The following LMBR1 variants were observed in gnomAD, a reference collection of about 807,000 sequenced individuals.
LMBR1 encodes the protein limb development membrane protein 1.
LMBR1 carries 52 observed loss-of-function variants against 73.9 expected under a neutral mutation model. The observed-to-expected ratio is 0.70, with a 90% CI of 0.56 to 0.89. The LOEUF (loss-of-function observed/expected upper bound fraction) is 0.89, where lower values mean the gene tolerates loss of function less well. Ranked by LOEUF, LMBR1 falls within the 40% of genes least tolerant of loss-of-function variation. The pLI, the probability that LMBR1 is intolerant of heterozygous loss-of-function variation, is 0.00. For synonymous variants in LMBR1, 215 were observed against 209.4 expected (o/e 1.03, Z -0.23); for missense variants, 539 against 579.8 (o/e 0.93, Z 0.72).
At chr7:156,750,789 C>T (rs534345162) in intron 9 of LMBR1, among the ~76,000 whole-genome samples, 2 of 152,202 alleles carry the variant, frequency 1.3e-5, no homozygotes, top group South Asian at 2.1e-4. Context: ...CAATAAGGTG[C>T]GGTGGCTCCC....
intron 4 of LMBR1, among the ~76,000 whole-genome samples, chr7:156,824,633 A>T (rs533143588): frequency 2.6e-5 from 4 of 152,088 alleles, no homozygotes; most frequent in African/African-American, 9.7e-5. Context: ...CTTGAACCCA[A>T]GAGTTCAAAA....
chr7:156,829,105 G>A (rs1365695714), intron 3 of LMBR1, among the ~76,000 whole-genome samples: 1 of 152,206 alleles, frequency 6.6e-6, no homozygotes, highest in Non-Finnish European at 1.5e-5. Flanking sequence ...AACGGGGAAA[G>A]CATACAGGGG....
intron 1 of LMBR1, among the ~76,000 whole-genome samples, chr7:156,866,428 C>A (rs1468264528): frequency 4.0e-5 from 6 of 151,042 alleles, no homozygotes; most frequent in Non-Finnish European, 8.8e-5. Context: ...GGTGCTAATT[C>A]ATTGTTGGAG....
intron 5 of LMBR1, among the ~76,000 whole-genome samples, chr7:156,780,841 C>T (rs1185859492): frequency 7.2e-5 from 11 of 152,190 alleles, no homozygotes; most frequent in Admixed American, 7.2e-4. Context: ...CCTTCACCTC[C>T]ACCCTTCACC....
chr7:156,710,672 A>C (rs186280265), intron 15 of LMBR1, among the ~76,000 whole-genome samples: 179 of 152,378 alleles, frequency 1.2e-3, no homozygotes, highest in African/African-American at 4.2e-3. Context: ...CTCAAAGAAC[A>C]CTTGGGAAAT....
chr7:156,767,759 A>T (rs1824374637), intron 5 of LMBR1, among the ~76,000 whole-genome samples: 1 of 152,050 alleles, frequency 6.6e-6, no homozygotes, highest in South Asian at 2.1e-4. Flanking sequence ...TAAAATACGA[A>T]AACAGGAAAT....
chr7:156,785,720 T>C (rs1327340476), intron 5 of LMBR1, among the ~76,000 whole-genome samples: 1 of 152,124 alleles, frequency 6.6e-6, no homozygotes. Context: ...AATCTGAATC[T>C]TCCCAGAGGT....
At chr7:156,860,818 A>G (rs980729452) in intron 1 of LMBR1, among the ~76,000 whole-genome samples, 3 of 152,262 alleles carry the variant, frequency 2.0e-5, no homozygotes, top group African/African-American at 7.2e-5. Flanking sequence ...TAAAGCTCCA[A>G]AATGGTCTCC....
chr7:156,817,545 A>C (rs1479315305), intron 4 of LMBR1, among the ~76,000 whole-genome samples: 1 of 147,170 alleles, frequency 6.8e-6, no homozygotes, highest in African/African-American at 2.5e-5. Context: ...AGAGACAGAC[A>C]GAGAGAGAAC....
At chr7:156,819,213 C>T (rs1277632894) in intron 4 of LMBR1, among the ~76,000 whole-genome samples, 1 of 152,116 alleles carries the variant, frequency 6.6e-6, no homozygotes, top group African/African-American at 2.4e-5. Flanking sequence ...AGTAGCATTC[C>T]AAGGTAATAT....
intron 9 of LMBR1, among the ~76,000 whole-genome samples, chr7:156,743,868 TCTCA>T (rs1425475743): frequency 1.3e-5 from 2 of 152,178 alleles, no homozygotes; most frequent in Non-Finnish European, 2.9e-5. Flanking sequence ...TTAATCATTC[TCTCA>T]CTGCTGCCCA....
At chr7:156,677,236 T>C (rs1804236290), downstream of LMBR1, 1 of 152,594 alleles carries the variant, frequency 6.6e-6, no homozygotes, top group African/African-American at 2.4e-5. Flanking sequence ...TGGTTTACTA[T>C]TACTGGGAGC....
intron 1 of LMBR1, among the ~76,000 whole-genome samples, chr7:156,867,498 G>A (rs919512299): frequency 1.3e-5 from 2 of 152,112 alleles, no homozygotes; most frequent in Admixed American, 1.3e-4. Flanking sequence ...CCAAAAAGTG[G>A]AAACAACCCA....
chr7:156,854,359 G>C (rs1442977779), intron 1 of LMBR1, among the ~76,000 whole-genome samples: 1 of 152,140 alleles, frequency 6.6e-6, no homozygotes, highest in African/African-American at 2.4e-5. Flanking sequence ...TCTCAGGGGG[G>C]ACTCCCACAC....
intron 4 of LMBR1, among the ~76,000 whole-genome samples, chr7:156,819,624 A>G (rs942604180): frequency 6.6e-6 from 1 of 152,238 alleles, no homozygotes; most frequent in Non-Finnish European, 1.5e-5. Context: ...TGACAAATGA[A>G]TATTAGTGAT....
intron 5 of LMBR1, among the ~76,000 whole-genome samples, chr7:156,790,272 A>T (rs116831137): frequency 0.026 from 3,907 of 152,202 alleles, 207 homozygotes; most frequent in African/African-American, 0.089. Flanking sequence ...GCATTTAAGC[A>T]CCTAATAATA....
chr7:156,798,481 G>T (rs900335581), intron 4 of LMBR1, among the ~76,000 whole-genome samples: 2 of 152,104 alleles, frequency 1.3e-5, no homozygotes, highest in African/African-American at 4.8e-5. Flanking sequence ...CAGCCTATGG[G>T]TAAAGGTATC....
chr7:156,840,220 T>C (rs1838409486), intron 1 of LMBR1, among the ~76,000 whole-genome samples: 1 of 152,204 alleles, frequency 6.6e-6, no homozygotes, highest in Non-Finnish European at 1.5e-5. Flanking sequence ...ATAGCCCTCA[T>C]GGAGCTTACA....
intron 1 of LMBR1, chr7:156,892,610 G>A (rs1361160823): frequency 1.2e-5 from 3 of 251,726 alleles, no homozygotes; most frequent in South Asian, 1.4e-4. Flanking sequence ...CCGCGGGAAG[G>A]GAAGGGCAGC....
Sources: allele counts gnomAD v4.1 joint callset (sites outside exome capture counted in the v4.1 genomes callset), GRCh38; gene constraint gnomAD v4.1.1; transcripts MANE v1.5; gene names NCBI Gene and HGNC (gene_info 2026-07-23, HGNC 2026-07-21).